The following CNTNAP2 variants were observed in gnomAD, a reference collection of about 807,000 sequenced individuals.
The protein encoded by CNTNAP2 is contactin-associated protein-like 2.
In CNTNAP2, 98 loss-of-function variants were observed where a neutral mutation model predicts 155.2. The ratio of observed to expected loss-of-function variants is 0.63; its 90% confidence interval spans 0.54 to 0.75. CNTNAP2 has a LOEUF of 0.75. Among genes scored for constraint, CNTNAP2 ranks in the 30% least tolerant of loss-of-function variants. The pLI is 0.00. For missense variants in CNTNAP2, 1,727 were observed against 1,688.1 expected (o/e 1.02, Z -0.40); for synonymous variants, 651 against 631.2 (o/e 1.03, Z -0.47).
chr7:147,901,398 G>C (rs893166949), intron 13 of CNTNAP2, among the ~76,000 whole-genome samples: 1 of 152,130 alleles, frequency 6.6e-6, no homozygotes. Context: ...ACATTGAAAA[G>C]AAAGGATAAA....
At chr7:147,729,538 G>A (rs1192851242) in intron 13 of CNTNAP2, among the ~76,000 whole-genome samples, 1 of 131,206 alleles carries the variant, frequency 7.6e-6, no homozygotes, top group Non-Finnish European at 1.7e-5. Flanking sequence ...CATAGAATTA[G>A]GTAAAAAGGT....
At chr7:148,108,099 G>A (rs1252240329) in intron 15 of CNTNAP2, among the ~76,000 whole-genome samples, 1 of 152,186 alleles carries the variant, frequency 6.6e-6, no homozygotes, top group African/African-American at 2.4e-5. Context: ...CTCTGGGGAG[G>A]GAGGAGACAG....
At chr7:146,283,744 G>T (rs1176606361) in intron 1 of CNTNAP2, among the ~76,000 whole-genome samples, 1 of 152,100 alleles carries the variant, frequency 6.6e-6, no homozygotes, top group African/African-American at 2.4e-5. Flanking sequence ...TTTAATATAT[G>T]GATAGACACT....
At chr7:148,248,955 C>T (rs1014642720) in intron 20 of CNTNAP2, among the ~76,000 whole-genome samples, 7 of 152,134 alleles carry the variant, frequency 4.6e-5, no homozygotes, top group Non-Finnish European at 8.8e-5. Context: ...TTTCATTTCC[C>T]TGATGACTGA....
chr7:148,307,198 C>G (rs1407823533), intron 21 of CNTNAP2, among the ~76,000 whole-genome samples: 1 of 152,174 alleles, frequency 6.6e-6, no homozygotes, highest in Non-Finnish European at 1.5e-5. Flanking sequence ...AGTCCTCCAA[C>G]TGAGAGTCTC....
At chr7:146,590,388 G>T (rs1798763233) in intron 1 of CNTNAP2, among the ~76,000 whole-genome samples, 1 of 152,036 alleles carries the variant, frequency 6.6e-6, no homozygotes, top group Non-Finnish European at 1.5e-5. Context: ...TCCCGAAGTA[G>T]ACTGCAAGTT....
intron 1 of CNTNAP2, among the ~76,000 whole-genome samples, chr7:146,239,734 T>A (rs1799529793): frequency 6.6e-6 from 1 of 152,204 alleles, no homozygotes; most frequent in South Asian, 2.1e-4. Context: ...TGTTTTATAG[T>A]CAAAGTTGAG....
At chr7:146,909,207 C>T (rs1267557757) in intron 3 of CNTNAP2, among the ~76,000 whole-genome samples, 13 of 150,064 alleles carry the variant, frequency 8.7e-5, no homozygotes, top group East Asian at 2.0e-4. Context: ...GATTCACAGC[C>T]GAATTCTACC....
At chr7:148,243,452 A>T (rs753400471) in intron 20 of CNTNAP2, among the ~76,000 whole-genome samples, 6 of 152,208 alleles carry the variant, frequency 3.9e-5, no homozygotes. Context: ...TGCGTAATTT[A>T]CAAAAGAAAA....
intron 3 of CNTNAP2, among the ~76,000 whole-genome samples, chr7:146,854,220 T>C (rs1263649536): frequency 1.3e-5 from 2 of 152,176 alleles, no homozygotes; most frequent in Admixed American, 1.3e-4. Context: ...GTCCATGTGG[T>C]TAGTAATCTA....
chr7:147,179,613 G>A (rs573822048), intron 8 of CNTNAP2, among the ~76,000 whole-genome samples: 1 of 152,236 alleles, frequency 6.6e-6, no homozygotes, highest in South Asian at 2.1e-4. Context: ...TCACCAAAAG[G>A]GTAGGTAATT....
chr7:146,499,927 C>T (rs953339333), intron 1 of CNTNAP2, among the ~76,000 whole-genome samples: 41 of 152,110 alleles, frequency 2.7e-4, no homozygotes, highest in Non-Finnish European at 4.0e-4. Flanking sequence ...ACAAGTCTTA[C>T]ACTTTTGTGT....
intron 13 of CNTNAP2, among the ~76,000 whole-genome samples, chr7:147,805,782 A>G (rs1187055118): frequency 6.6e-6 from 1 of 152,156 alleles, no homozygotes; most frequent in Non-Finnish European, 1.5e-5. Context: ...AATCCACTTG[A>G]TCGGGATGAC....
intron 4 of CNTNAP2, among the ~76,000 whole-genome samples, chr7:147,073,949 T>C (rs1009074352): frequency 1.3e-5 from 2 of 152,124 alleles, no homozygotes; most frequent in African/African-American, 4.8e-5. Context: ...CAGCATCAGA[T>C]AATAGGATAA....
chr7:146,329,571 C>T (rs912146055), intron 1 of CNTNAP2, among the ~76,000 whole-genome samples: 1 of 152,112 alleles, frequency 6.6e-6, no homozygotes, highest in African/African-American at 2.4e-5. Context: ...TTTAATGTTG[C>T]CAAGTGTCTT....
intron 14 of CNTNAP2, among the ~76,000 whole-genome samples, chr7:147,912,807 A>G (rs189371563): frequency 1.3e-5 from 2 of 152,272 alleles, no homozygotes; most frequent in African/African-American, 2.4e-5. Context: ...CAGGAGGAAC[A>G]TTTGCTTCTC....
At position 146,515,476 on chromosome 7, in the gene CNTNAP2, G is replaced by A. The variant is rs185294154; in HGVS notation, c.98-258795G>A. Among the ~76,000 whole-genome samples, 130 of 152,050 alleles carry A rather than the reference G, an allele frequency of 8.5e-4. 1 individual carries two copies. The highest frequency in any genetic ancestry group is 1.4e-3 in the Admixed American group (21 of 15,246). ...TTCACAGCCTAAGTTTTGAGTTTTG[G>A]GATATTACTGGTGATAGTCTTGGTG... On this transcript the variant is annotated intron_variant, in intron 1 of 23. Coordinates refer to ENST00000361727, the MANE Select transcript of CNTNAP2 (RefSeq NM_014141.6).
chr7:146,776,622 T>C (rs559038895), intron 2 of CNTNAP2, among the ~76,000 whole-genome samples: 2 of 152,288 alleles, frequency 1.3e-5, no homozygotes, highest in South Asian at 4.2e-4. Flanking sequence ...CTTCCTAACC[T>C]TTCAGAGCAG....
At chr7:147,151,476 A>G (rs2116430945) in intron 8 of CNTNAP2, among the ~76,000 whole-genome samples, 1 of 152,304 alleles carries the variant, frequency 6.6e-6, no homozygotes, top group Non-Finnish European at 1.5e-5. Flanking sequence ...CTAAATATAA[A>G]CTATAATTTT....
Sources: gnomAD v4.1 joint callset for allele counts (sites outside exome capture counted in the v4.1 genomes callset) on GRCh38, gnomAD v4.1.1 for gene constraint, MANE v1.5 for transcripts, NCBI Gene and HGNC (gene_info 2026-07-23, HGNC 2026-07-21) for gene names.